Variants in CLTA observed in about 807,000 individuals in gnomAD.
CLTA encodes the protein clathrin light chain A, also known as clathrin, light polypeptide (Lca).
Under a neutral mutation model 26.9 loss-of-function variants are expected in CLTA, and 9 were observed. The ratio of observed to expected loss-of-function variants is 0.33; its 90% confidence interval spans 0.20 to 0.58. CLTA has a LOEUF of 0.58. Ranked by LOEUF, CLTA falls within the 20% of genes least tolerant of loss-of-function variation. The pLI, the probability that CLTA is intolerant of heterozygous loss-of-function variation, is 0.85. For missense variants in CLTA, 278 were observed against 294.2 expected (o/e 0.94, Z 0.40); for synonymous variants, 120 against 115.5 (o/e 1.04, Z -0.25).
chr9:36,191,197 G>C lies in CLTA; in HGVS notation c.141G>C (p.Glu47Asp). 4 of 1,577,168 alleles carry C rather than the reference G, an allele frequency of 2.5e-6. No individual in the cohort carries two copies. In the East Asian group the frequency reaches 9.4e-5, roughly 37 times the overall value. ...AAGAGAGCGAGATTGCGGGCATCGAGAACGACGAGGCCTTCGCCATCCTGG... is the reference window on the plus strand; with the variant it reads ...AAGAGAGCGAGATTGCGGGCATCGACAACGACGAGGCCTTCGCCATCCTGG... ...AQQESEIAGIENDEAFAILDG... is the reference protein window; with the variant it reads ...AQQESEIAGIDNDEAFAILDG... The change falls in exon 1 of 5, where the codon GAG (glutamate) becomes GAC (aspartate). Residue 47 changes from glutamate (E) to aspartate (D), a missense_variant. By Grantham distance (45) the Glu-to-Asp change is conservative. Transcript: ENST00000345519.
At chr9:36,209,453 G>T (rs1354430871) in intron 4 of CLTA, 2 of 701,646 alleles carry the variant, frequency 2.9e-6, no homozygotes, top group Non-Finnish European at 5.0e-6. Flanking sequence ...GGCTGCCTAA[G>T]AATTGATAAG....
At chr9:36,193,056 G>A (rs1055637168) in intron 1 of CLTA, among the ~76,000 whole-genome samples, 9 of 152,322 alleles carry the variant, frequency 5.9e-5, no homozygotes, top group Admixed American at 2.6e-4. Context: ...TCTTGGTGAC[G>A]GGCAGTTAGG....
At chr9:36,200,088 C>T (rs1827315893) in intron 3 of CLTA, among the ~76,000 whole-genome samples, 1 of 152,188 alleles carries the variant, frequency 6.6e-6, no homozygotes, top group Admixed American at 6.5e-5. Context: ...GGAGTGTCAC[C>T]TGTTGGTTCA....
At chr9:36,193,636 C>T (rs143904228) in intron 1 of CLTA, among the ~76,000 whole-genome samples, 42 of 151,996 alleles carry the variant, frequency 2.8e-4, no homozygotes, top group African/African-American at 9.9e-4. Flanking sequence ...AGGTTTTAGG[C>T]GGGAGCTCTC....
chr9:36,190,911 G>C (rs1360906549), upstream of CLTA: 17 of 1,364,192 alleles, frequency 1.2e-5, 1 homozygote, highest in African/African-American at 9.1e-5. Flanking sequence ...CGGATACACG[G>C]GTAGGGCTTC....
At chr9:36,199,559 C>T (rs920186588) in intron 3 of CLTA, among the ~76,000 whole-genome samples, 3 of 151,236 alleles carry the variant, frequency 2.0e-5, no homozygotes, top group Non-Finnish European at 4.4e-5. Context: ...ACACCATTCT[C>T]CTGCCCTCAG....
chr9:36,199,294 C>T (rs943692658), intron 3 of CLTA, among the ~76,000 whole-genome samples, 198 bp downstream of exon 3: 12 of 152,048 alleles, frequency 7.9e-5, no homozygotes, highest in Middle Eastern at 3.2e-3. Flanking sequence ...GTAGGGTAGC[C>T]GGAGATCCCC....
intron 3 of CLTA, 133 bp from the exon 4 acceptor site, chr9:36,203,935 A>T: frequency 8.0e-7 from 1 of 1,244,392 alleles, no homozygotes; most frequent in Non-Finnish European, 1.1e-6. Context: ...TCCCCTCTCT[A>T]CTCTTCTCCC....
chr9:36,205,755 G>GTT (rs746587996), intron 4 of CLTA, among the ~76,000 whole-genome samples: 70 of 93,976 alleles, frequency 7.4e-4, no homozygotes, highest in East Asian at 7.9e-4. Flanking sequence ...AATGACACCT[G>GTT]TTTTTTTTTT....
At chr9:36,198,901 G>A in intron 2 of CLTA, 78 bp from the exon 3 acceptor site, 1 of 875,580 alleles carries the variant, frequency 1.1e-6, no homozygotes, top group East Asian at 2.7e-5. Flanking sequence ...AACAGAACCA[G>A]GGGTTCTAAC....
In CLTA at chr9:36,210,716, T is replaced by C. The variant is rs953666293; in HGVS notation, c.486-887T>C. The C allele has an allele frequency of 5.0e-6, 8 of 1,606,390 alleles. No homozygotes were observed. The African/African-American group carries it at 9.4e-5, about 19-fold the overall frequency. ...TGTGTGTGCCATGAAGTCGCAGTGTTGTAGTGGCTCTGGGCTTCAGCGGTG... is the reference window on the plus strand; with the variant it reads ...TGTGTGTGCCATGAAGTCGCAGTGTCGTAGTGGCTCTGGGCTTCAGCGGTG... On this transcript the variant is annotated intron_variant, in intron 4 of 4. Transcript: ENST00000345519.
chr9:36,194,008 G>A (rs915000617), intron 1 of CLTA, among the ~76,000 whole-genome samples: 1 of 152,148 alleles, frequency 6.6e-6, no homozygotes, highest in African/African-American at 2.4e-5. Flanking sequence ...CACAGAGAGA[G>A]TACAGCAGTA....
intron 1 of CLTA, among the ~76,000 whole-genome samples, chr9:36,192,768 C>T (rs1587195865): frequency 6.6e-6 from 1 of 152,206 alleles, no homozygotes. Flanking sequence ...TCTACCCACT[C>T]TTAGAATATA....
At chr9:36,198,152 A>G (rs1231895127) in intron 2 of CLTA, among the ~76,000 whole-genome samples, 2 of 151,590 alleles carry the variant, frequency 1.3e-5, no homozygotes, top group East Asian at 3.9e-4. Context: ...GCATGCCACC[A>G]CGCCCGGCTA....
At chr9:36,196,639 G>A (rs1051547533) in intron 1 of CLTA, among the ~76,000 whole-genome samples, 15 of 152,014 alleles carry the variant, frequency 9.9e-5, no homozygotes, top group South Asian at 2.1e-4. Context: ...GTGAGCCACC[G>A]CGCCCAGCTG....
chr9:36,203,538 T>G (rs1827542515), intron 3 of CLTA, among the ~76,000 whole-genome samples: 1 of 152,228 alleles, frequency 6.6e-6, no homozygotes, highest in Non-Finnish European at 1.5e-5. Flanking sequence ...GCTTCTACCA[T>G]ATTTAGTTAT....
At position 36,207,419 on chromosome 9, in the gene CLTA, G is replaced by A. The variant is rs1208175309; in HGVS notation, c.485+3240G>A. Among the ~76,000 whole-genome samples the A allele has an allele frequency of 3.3e-5, 5 of 152,314 alleles. No homozygotes were observed. The East Asian group carries it at 9.6e-4, about 29-fold the overall frequency. Reference sequence around the variant, plus strand: ...GCTCTTTCAAGGCTTGAGAAGGTTTGGGGAACCCACAGTTCTCAGAGATGG... The same window carrying A: ...GCTCTTTCAAGGCTTGAGAAGGTTTAGGGAACCCACAGTTCTCAGAGATGG... On this transcript the variant is annotated intron_variant, in intron 4 of 4. Coordinates refer to ENST00000345519, the MANE Select transcript of CLTA (RefSeq NM_001833.4).
At chr9:36,211,499 C>G in intron 4 of CLTA, 104 bp from the exon 5 acceptor site, 1 of 1,445,154 alleles carries the variant, frequency 6.9e-7, no homozygotes, top group Non-Finnish European at 9.4e-7. Context: ...GCCAGAATGT[C>G]ATTAAGAAAG....
At chr9:36,195,295 C>T (rs1826958794) in intron 1 of CLTA, among the ~76,000 whole-genome samples, 1 of 152,130 alleles carries the variant, frequency 6.6e-6, no homozygotes, top group African/African-American at 2.4e-5. Context: ...TGTCTACATA[C>T]ACAAATTAAG....
Sources: gnomAD v4.1 joint callset for allele counts (sites outside exome capture counted in the v4.1 genomes callset) on GRCh38, gnomAD v4.1.1 for gene constraint, MANE v1.5 for transcripts, NCBI Gene and HGNC (gene_info 2026-07-23, HGNC 2026-07-21) for gene names.